The following DUSP16 variants were observed in gnomAD, a reference collection of about 807,000 sequenced individuals.
DUSP16 encodes dual specificity phosphatase 16.
In DUSP16, 21 loss-of-function variants were observed where a neutral mutation model predicts 58.3. The ratio of observed to expected loss-of-function variants is 0.36; its 90% CI spans 0.26 to 0.52. DUSP16 has a LOEUF of 0.52. Among genes scored for constraint, DUSP16 ranks in the 20% least tolerant of loss-of-function variants. The pLI is 0.94. For synonymous variants in DUSP16, 320 were observed against 323.8 expected (o/e 0.99, Z 0.12); for missense variants, 726 against 819.0 (o/e 0.89, Z 1.39).
Position 12,521,217 on chromosome 12 carries a change from G to A in DUSP16, c.-119C>T, listed in dbSNP as rs1944231922. The stretch of plus-strand genomic sequence containing the variant: ...TAAAAGTGTATGAGGTCAGGCTGGT[G>A]GTGACTGGCAAAAGGAGAGTTAAAC... On this transcript the variant is annotated 5_prime_UTR_variant, in exon 2 of 7. Coordinates refer to ENST00000298573, the MANE Select transcript of DUSP16 (RefSeq NM_030640.3). 2 of 1,483,782 alleles carry A rather than the reference G, an allele frequency of 1.3e-6. No homozygotes were observed. The highest frequency in any genetic ancestry group is 2.8e-5 in the African/African-American group (2 of 71,416). 91.9% of individuals were successfully genotyped at this position (1,483,782 alleles called of 1,614,324 possible).
intron 3 of DUSP16, among the ~76,000 whole-genome samples, chr12:12,519,100 G>A (rs1033370405): frequency 2.0e-5 from 3 of 152,208 alleles, no homozygotes; most frequent in Non-Finnish European, 1.5e-5. Flanking sequence ...CCAGCTCTAT[G>A]AGCCCACAGG....
In DUSP16 at chr12:12,562,746, G is replaced by T. The variant is rs1373047055; in HGVS notation, c.-995C>A. Among the ~76,000 whole-genome samples the T allele has an allele frequency of 6.6e-6, 1 of 151,282 alleles. No individual in the cohort carries two copies. Among genetic ancestry groups the T allele is most frequent in the Admixed American group, 6.6e-5 (1 of 15,164 alleles). ...GCGAGGGCAGGGCGGTGGGCGCCGGGCGGGGCCGCGCGCTCGCCCATCCCG... is the reference window on the plus strand; with the variant it reads ...GCGAGGGCAGGGCGGTGGGCGCCGGTCGGGGCCGCGCGCTCGCCCATCCCG... On this transcript the variant is annotated 5_prime_UTR_variant, in exon 1 of 7. Transcript: ENST00000298573.
intron 3 of DUSP16, among the ~76,000 whole-genome samples, chr12:12,503,282 G>C (rs963049588): frequency 1.4e-5 from 2 of 143,698 alleles, no homozygotes; most frequent in African/African-American, 5.2e-5. Flanking sequence ...CTAGAGTGCA[G>C]TGGCGCGATC....
intron 3 of DUSP16, among the ~76,000 whole-genome samples, chr12:12,515,869 G>A (rs983302676): frequency 1.5e-4 from 23 of 151,928 alleles, no homozygotes; most frequent in African/African-American, 5.3e-4. Context: ...TCTGCCTCCC[G>A]GGTTCAAGCA....
chr12:12,520,631 A>G (rs929685202), intron 2 of DUSP16, among the ~76,000 whole-genome samples: 5 of 152,244 alleles, frequency 3.3e-5, no homozygotes, highest in African/African-American at 1.2e-4. Context: ...TTAGCAAGCC[A>G]CAAGAAAATA....
chr12:12,480,448 TAC>T, intron 5 of DUSP16, 102 bp from the exon 6 acceptor site: 1 of 1,368,724 alleles, frequency 7.3e-7, no homozygotes, highest in Non-Finnish European at 1.0e-6. Flanking sequence ...TGAAAACCTC[TAC>T]GCAAATCTCA....
chr12:12,484,070 T>C (rs970094897), intron 5 of DUSP16, among the ~76,000 whole-genome samples: 25 of 152,160 alleles, frequency 1.6e-4, no homozygotes, highest in African/African-American at 5.8e-4. Context: ...TCTACTACTC[T>C]GTATGTATGT....
intron 4 of DUSP16, among the ~76,000 whole-genome samples, chr12:12,498,872 AC>A (rs1447113383): frequency 2.0e-5 from 3 of 152,140 alleles, no homozygotes; most frequent in Non-Finnish European, 4.4e-5. Flanking sequence ...TGTCCTATAA[AC>A]TTCCACAAAC....
intron 3 of DUSP16, among the ~76,000 whole-genome samples, chr12:12,502,959 C>A (rs1464876146): frequency 6.6e-6 from 1 of 152,176 alleles, no homozygotes; most frequent in Non-Finnish European, 1.5e-5. Context: ...ATACAGCATA[C>A]ACATGTGGGC....
At chr12:12,511,064 A>G (rs144775273) in intron 3 of DUSP16, among the ~76,000 whole-genome samples, 1 of 152,372 alleles carries the variant, frequency 6.6e-6, no homozygotes, top group African/African-American at 2.4e-5. Context: ...TTATTGATGC[A>G]TATTAAACTG....
intron 1 of DUSP16, among the ~76,000 whole-genome samples, chr12:12,551,559 A>G (rs1037523055): frequency 2.1e-5 from 3 of 145,996 alleles, no homozygotes; most frequent in South Asian, 2.2e-4. Flanking sequence ...ATTCGCCACC[A>G]AGATCTTGAC....
chr12:12,507,899 G>A (rs1243613627), intron 3 of DUSP16, among the ~76,000 whole-genome samples: 2 of 152,204 alleles, frequency 1.3e-5, no homozygotes, highest in South Asian at 2.1e-4. Context: ...GTGAGCCACC[G>A]TGCCCAGCCA....
intron 1 of DUSP16, among the ~76,000 whole-genome samples, 190 bp from the exon 2 acceptor site, chr12:12,521,653 A>G (rs992987685): frequency 1.4e-4 from 22 of 152,266 alleles, no homozygotes; most frequent in Non-Finnish European, 3.2e-4. Flanking sequence ...TGTGCTAGTG[A>G]TAATTCCATT....
At chr12:12,557,139 T>G (rs1944816936) in intron 1 of DUSP16, among the ~76,000 whole-genome samples, 1 of 151,950 alleles carries the variant, frequency 6.6e-6, no homozygotes, top group Non-Finnish European at 1.5e-5. Context: ...TGTGGATACA[T>G]TAACAAGGCA....
At chr12:12,483,400 CT>C (rs200584145) in intron 5 of DUSP16, among the ~76,000 whole-genome samples, 2 of 150,146 alleles carry the variant, frequency 1.3e-5, no homozygotes, top group African/African-American at 2.5e-5. Flanking sequence ...TACTTTTTTT[CT>C]TTTTTTTTCA....
chr12:12,551,115 T>A (rs1338260960), intron 1 of DUSP16, among the ~76,000 whole-genome samples: 2 of 152,104 alleles, frequency 1.3e-5, no homozygotes. Context: ...TTTGCTTTTT[T>A]GACTAGCAGA....
intron 1 of DUSP16, among the ~76,000 whole-genome samples, chr12:12,549,326 C>A (rs2136264277): frequency 6.6e-6 from 1 of 152,054 alleles, no homozygotes; most frequent in East Asian, 1.9e-4. Flanking sequence ...GATGGAAATC[C>A]TTCAATTATA....
intron 1 of DUSP16, among the ~76,000 whole-genome samples, chr12:12,530,729 T>C (rs1944370995): frequency 6.6e-6 from 1 of 152,186 alleles, no homozygotes; most frequent in African/African-American, 2.4e-5. Flanking sequence ...TTAATGTTAA[T>C]ATTATACATT....
intron 4 of DUSP16, among the ~76,000 whole-genome samples, chr12:12,495,389 T>C (rs960477881): frequency 1.3e-5 from 2 of 152,200 alleles, no homozygotes; most frequent in Non-Finnish European, 2.9e-5. Context: ...AGGATTTAAA[T>C]AGTGATTCTA....
Sources: allele counts gnomAD v4.1 joint callset (sites outside exome capture counted in the v4.1 genomes callset), GRCh38; gene constraint gnomAD v4.1.1; transcripts MANE v1.5; gene names NCBI Gene and HGNC (gene_info 2026-07-23, HGNC 2026-07-21).